The following RECK variants were observed in gnomAD, a reference collection of about 807,000 sequenced individuals.
RECK encodes reversion-inducing cysteine-rich protein with Kazal motifs.
Under a neutral mutation model 115.1 loss-of-function variants are expected in RECK, and 69 were observed. The ratio of observed to expected loss-of-function variants is 0.60; its 90% confidence interval spans 0.49 to 0.73. The LOEUF (loss-of-function observed/expected upper bound fraction) is 0.73. Ranked by LOEUF, RECK falls within the 30% of genes least tolerant of loss-of-function variation. The probability of loss-of-function intolerance (pLI) is 0.00; values close to 1 mark genes in which losing one functional copy is unlikely to be tolerated. For synonymous variants in RECK, 414 were observed against 419.7 expected, an observed-to-expected ratio of 0.99 and a Z score of 0.17; for missense variants, 1,047 against 1,203.7, an observed-to-expected ratio of 0.87 and a Z score of 1.93.
intron 16 of RECK, among the ~76,000 whole-genome samples, chr9:36,114,061 T>C (rs1824162867): frequency 6.6e-6 from 1 of 152,214 alleles, no homozygotes; most frequent in South Asian, 2.1e-4. Context: ...CTCATAGTCC[T>C]CTTCTGTGTC....
chr9:36,105,579 G>A (rs1433490419), intron 13 of RECK, among the ~76,000 whole-genome samples: 1 of 151,894 alleles, frequency 6.6e-6, no homozygotes, highest in Non-Finnish European at 1.5e-5. Context: ...TGAGTTGCAG[G>A]GTTCTAGACT....
In RECK at chr9:36,038,002, TAA is replaced by T. The variant is rs370999682; in HGVS notation, c.100+922_100+923del. On this transcript the variant is annotated intron_variant, in intron 1 of 20. Transcript: ENST00000377966. ...TACAGGGAGACAGGCAGAGACACCT[TAA>T]AAAAAAAAAAAAAAAAAGCAAAGTC... 6.0e-3 allele frequency among the ~76,000 whole-genome samples: 679 copies of T among 112,456 alleles called. 7 individuals are homozygous for T. Among genetic ancestry groups the T allele is most frequent in the African/African-American group, 0.021 (628 of 29,350 alleles). The allele number at this position is 112,456 out of a possible 152,430, so 73.8% of individuals were successfully genotyped here.
intron 9 of RECK, among the ~76,000 whole-genome samples, chr9:36,089,964 A>G (rs1823098968): frequency 9.2e-6 from 1 of 108,780 alleles, no homozygotes; most frequent in African/African-American, 3.8e-5. Flanking sequence ...TCTCTACTAA[A>G]AATACACACA....
At chr9:36,116,221 T>C (rs921441114) in intron 16 of RECK, among the ~76,000 whole-genome samples, 1 of 150,032 alleles carries the variant, frequency 6.7e-6, no homozygotes, top group Non-Finnish European at 1.5e-5. Context: ...CTTCGCCTCC[T>C]GGGTTCAAGC....
intron 3 of RECK, 35 bp downstream of exon 3, chr9:36,058,936 T>G: frequency 1.4e-5 from 18 of 1,329,574 alleles, no homozygotes; most frequent in Non-Finnish European, 1.8e-5. Context: ...TAGAAGCTTC[T>G]GTCTAAATGA....
At chr9:36,109,808 C>A in intron 14 of RECK, 149 bp from the exon 15 acceptor site, 2 of 729,566 alleles carry the variant, frequency 2.7e-6, no homozygotes, top group Non-Finnish European at 4.5e-6. Context: ...CACGCCAGTG[C>A]ACTCCAGCCT....
intron 1 of RECK, among the ~76,000 whole-genome samples, chr9:36,042,423 A>AGTGTGTGTGTGTGTGTGTGTGTGT (rs35193636): frequency 3.5e-5 from 5 of 144,364 alleles, no homozygotes; most frequent in Non-Finnish European, 7.6e-5. Context: ...AGTATTCCAT[A>AGTGTGTGTGTGTGTGTGTGTGTGT]GTGTGTGTGT....
intron 14 of RECK, 88 bp downstream of exon 14, chr9:36,108,252 A>G (rs1199637373): frequency 1.0e-6 from 1 of 987,746 alleles, no homozygotes; most frequent in Non-Finnish European, 1.5e-6. Context: ...CTGACCACAG[A>G]GTAAGGTCTG....
intron 11 of RECK, among the ~76,000 whole-genome samples, chr9:36,101,860 A>G (rs1233788326): frequency 6.6e-6 from 1 of 152,228 alleles, no homozygotes; most frequent in African/African-American, 2.4e-5. Context: ...TGCTGGTAGT[A>G]ACAGTACGAA....
intron 6 of RECK, chr9:36,066,815 C>T: frequency 7.8e-7 from 1 of 1,289,108 alleles, no homozygotes; most frequent in South Asian, 1.2e-5. Context: ...GTCTGGATTT[C>T]TGCATTGCCC....
chr9:36,086,008 T>G (rs1179037124), intron 8 of RECK: 1 of 151,780 alleles, frequency 6.6e-6, no homozygotes, highest in East Asian at 1.9e-4. Context: ...AGAACAACCG[T>G]CTCCATCTTT....
intron 2 of RECK, among the ~76,000 whole-genome samples, chr9:36,055,423 C>T (rs1254056621): frequency 6.6e-6 from 1 of 152,102 alleles, no homozygotes; most frequent in African/African-American, 2.4e-5. Flanking sequence ...TTCAGGAAAC[C>T]AGAAACTGGG....
At chr9:36,104,327 T>TATATATATATATATA (rs1491333559) in intron 12 of RECK, among the ~76,000 whole-genome samples, 3 of 8,816 alleles carry the variant, frequency 3.4e-4, no homozygotes, top group Non-Finnish European at 4.6e-4. Flanking sequence ...TATATATATA[T>TATATATATATATATA]TTTTTTTTTT....
chr9:36,055,443 T>G (rs1291011603), intron 2 of RECK, among the ~76,000 whole-genome samples: 1 of 152,198 alleles, frequency 6.6e-6, no homozygotes, highest in African/African-American at 2.4e-5. Flanking sequence ...GACCTAAATT[T>G]TATTTTACAC....
At chr9:36,065,719 C>A in intron 6 of RECK, 95 bp downstream of exon 6, 1 of 1,011,714 alleles carries the variant, frequency 9.9e-7, no homozygotes, top group South Asian at 3.3e-5. Context: ...TATTTTTATA[C>A]AACTTCCCTT....
At chr9:36,075,179 G>C (rs1486847915) in intron 6 of RECK, among the ~76,000 whole-genome samples, 1 of 152,230 alleles carries the variant, frequency 6.6e-6, no homozygotes, top group East Asian at 1.9e-4. Flanking sequence ...CAAGTCACAT[G>C]GCTAAGGCCA....
At chr9:36,069,265 T>G (rs1822129950) in intron 6 of RECK, among the ~76,000 whole-genome samples, 1 of 151,800 alleles carries the variant, frequency 6.6e-6, no homozygotes, top group Non-Finnish European at 1.5e-5. Context: ...GCAGGCCGGG[T>G]GCGGTGGCTC....
At chr9:36,105,069 A>G in intron 12 of RECK, 74 bp from the exon 13 acceptor site, 8 of 1,276,064 alleles carry the variant, frequency 6.3e-6, no homozygotes, top group Non-Finnish European at 8.9e-6. Context: ...TTCCAGCCAT[A>G]ATTAATTCAG....
At chr9:36,045,705 A>G (rs909264969) in intron 1 of RECK, among the ~76,000 whole-genome samples, 1 of 151,868 alleles carries the variant, frequency 6.6e-6, no homozygotes, top group African/African-American at 2.4e-5. Flanking sequence ...AAAATCCTAT[A>G]ATTCTATGGA....
Sources: gnomAD v4.1 joint callset for allele counts (sites outside exome capture counted in the v4.1 genomes callset) on GRCh38, gnomAD v4.1.1 for gene constraint, MANE v1.5 for transcripts, NCBI Gene and HGNC (gene_info 2026-07-23, HGNC 2026-07-21) for gene names.